MAP4K5: variants seen among roughly 807,000 people sequenced by gnomAD.
MAP4K5 encodes the protein MAPK/ERK kinase kinase kinase 5.
MAP4K5 carries 82 observed loss-of-function variants against 135.6 expected under a neutral mutation model. The ratio of observed to expected loss-of-function variants is 0.60; its 90% CI spans 0.51 to 0.73. MAP4K5 has a LOEUF of 0.73. Ranked by LOEUF, MAP4K5 falls within the 30% of genes least tolerant of loss-of-function variation. The pLI is 0.00. For missense variants in MAP4K5, 907 were observed against 1,010.9 expected (o/e 0.90, Z 1.39); for synonymous variants, 347 against 335.0 (o/e 1.04, Z -0.39).
chr14:50,484,317 T>C (rs1364288154), intron 5 of MAP4K5, among the ~76,000 whole-genome samples: 2 of 152,180 alleles, frequency 1.3e-5, no homozygotes, highest in African/African-American at 2.4e-5. Flanking sequence ...AGAATTTTTG[T>C]TGTTATGGAT....
At position 50,443,743 on chromosome 14, in the gene MAP4K5, T is replaced by G. The variant is rs2036279399; in HGVS notation, c.1465A>C (p.Thr489Pro). 1.9e-6 allele frequency: 3 copies of G among 1,597,168 alleles called. No individual in the cohort carries two copies. Among genetic ancestry groups the G allele is most frequent in the Non-Finnish European group, 2.6e-6 (3 of 1,175,394 alleles). Residue 489 changes from threonine to proline, a missense_variant, in exon 20 of 33, where the codon ACC becomes CCC. Thr to Pro is a conservative substitution (Grantham distance 38). Around this residue, in one of 3 missense-constraint regions of MAP4K5, gnomAD observed 690 missense variants for 777.4 expected, o/e 0.89. Transcript: ENST00000682126. ...ATATTCCTTACCAGAACTTTTGGGG[T>G]GGGTGGAAGGCCATTGATGGCTGGT... ...PKPAINGLPP[T>P]PKVLMGACFS...
chr14:50,500,524 G>A lies in MAP4K5; in HGVS notation c.166+4276C>T, dbSNP rs551045895. On this transcript the variant is annotated intron_variant, in intron 3 of 32. Transcript: ENST00000682126. ...CAGAGAGGTGGATAGAACAGATCAT[G>A]TAGGGTTTTATAAACAAGGCTAAAA... Among the ~76,000 whole-genome samples, 4 of 152,332 alleles carry A rather than the reference G, an allele frequency of 2.6e-5. No homozygotes were observed. The South Asian group carries it at 8.3e-4, about 32-fold the overall frequency.
chr14:50,453,155 C>T (rs186320782), intron 14 of MAP4K5, among the ~76,000 whole-genome samples: 92 of 152,018 alleles, frequency 6.1e-4, no homozygotes, highest in African/African-American at 1.6e-3. Context: ...ATTAAACTAA[C>T]TGTTAGGCTT....
At chr14:50,518,152 T>C (rs2038072645) in intron 2 of MAP4K5, among the ~76,000 whole-genome samples, 1 of 152,226 alleles carries the variant, frequency 6.6e-6, no homozygotes, top group Non-Finnish European at 1.5e-5. Flanking sequence ...AAACACAGTA[T>C]ATCCTTATTA....
intron 2 of MAP4K5, among the ~76,000 whole-genome samples, chr14:50,521,270 A>AT (rs2038145633): frequency 6.6e-6 from 1 of 152,220 alleles, no homozygotes; most frequent in Admixed American, 6.5e-5. Flanking sequence ...CAGTCCATAA[A>AT]TCCCTCATTT....
intron 16 of MAP4K5, 51 bp from the exon 17 acceptor site, chr14:50,446,172 A>T (rs2036343727): frequency 9.0e-7 from 1 of 1,115,554 alleles, no homozygotes; most frequent in South Asian, 1.4e-5. Flanking sequence ...ACCGTAACCG[A>T]AAACACAGAT....
intron 32 of MAP4K5, among the ~76,000 whole-genome samples, chr14:50,422,250 C>T (rs1361855754): frequency 2.6e-5 from 4 of 152,196 alleles, no homozygotes; most frequent in East Asian, 3.9e-4. Flanking sequence ...GTTGGTTGGA[C>T]GACTTACTAA....
intron 20 of MAP4K5, among the ~76,000 whole-genome samples, chr14:50,443,461 T>C (rs2036272541): frequency 6.6e-6 from 1 of 152,174 alleles, no homozygotes; most frequent in African/African-American, 2.4e-5. Flanking sequence ...GAGGACACAG[T>C]ACTATTAATA....
At chr14:50,536,197 C>G (rs1162749681), upstream of MAP4K5, among the ~76,000 whole-genome samples, 1 of 152,228 alleles carries the variant, frequency 6.6e-6, no homozygotes, top group Admixed American at 6.5e-5. Flanking sequence ...GTAATCCCAG[C>G]ACTTTGGGAG....
rs569660045 is a variant in MAP4K5, at chr14:50,531,851, T to A, written c.108+91A>T. 43 of 900,806 alleles carry A rather than the reference T, an allele frequency of 4.8e-5. No homozygotes were observed. The East Asian group carries it at 6.7e-4, about 14-fold the overall frequency. The allele number at this position is 900,806 out of a possible 1,614,324, so 55.8% of individuals were successfully genotyped here. A position where few individuals can be genotyped will look rare whatever the true frequency, so the allele number is the denominator to read the frequency against. ...TCCCCAAGAGGCAACAATAAAAGCA[T>A]CCTCCTCTCGCCCCAATACTTCGCA... On this transcript the variant is annotated intron_variant, in intron 2 of 32. Transcript: ENST00000682126.
chr14:50,552,336 A>G (rs1277861561), intron 1 of MAP4K5, among the ~76,000 whole-genome samples: 2 of 152,250 alleles, frequency 1.3e-5, no homozygotes, highest in East Asian at 1.9e-4. Context: ...CTCTACAAGG[A>G]AAATTACAAA....
At chr14:50,493,297 T>C (rs1237614063) in intron 3 of MAP4K5, among the ~76,000 whole-genome samples, 1 of 152,100 alleles carries the variant, frequency 6.6e-6, no homozygotes, top group South Asian at 2.1e-4. Flanking sequence ...AGAGACATGA[T>C]CTCCATTACG....
chr14:50,466,741 A>AT, intron 10 of MAP4K5, 96 bp from the exon 11 acceptor site: 1 of 606,528 alleles, frequency 1.6e-6, no homozygotes, highest in Non-Finnish European at 3.0e-6. Flanking sequence ...AGACTACCAC[A>AT]TAAGTGGACA....
intron 3 of MAP4K5, among the ~76,000 whole-genome samples, chr14:50,497,677 G>C (rs2037622923): frequency 6.6e-6 from 1 of 152,142 alleles, no homozygotes; most frequent in African/African-American, 2.4e-5. Flanking sequence ...ACAAGTTAAA[G>C]TATTCCCTGC....
chr14:50,440,288 G>A (rs1320478985), intron 22 of MAP4K5, 74 bp downstream of exon 22: 1 of 1,019,540 alleles, frequency 9.8e-7, no homozygotes, highest in East Asian at 2.6e-5. Context: ...GGCCTACACA[G>A]ATTGATTTAA....
chr14:50,537,412 T>A (rs1306589004), upstream of MAP4K5, among the ~76,000 whole-genome samples: 1 of 152,298 alleles, frequency 6.6e-6, no homozygotes, highest in African/African-American at 2.4e-5. Context: ...TCTGCTAGGG[T>A]GGTGCGAAAG....
intron 11 of MAP4K5, among the ~76,000 whole-genome samples, chr14:50,466,381 C>CAAAAAAA (rs1194669006): frequency 3.7e-5 from 2 of 54,584 alleles, no homozygotes; most frequent in East Asian, 5.4e-4. Context: ...AATCCTGTCT[C>CAAAAAAA]AAAAAAAAAA....
At chr14:50,543,099 C>G (rs2038586797) in intron 1 of MAP4K5, among the ~76,000 whole-genome samples, 1 of 152,218 alleles carries the variant, frequency 6.6e-6, no homozygotes. Context: ...AAGATCTGTT[C>G]TCCAGGTGTC....
chr14:50,506,649 C>T (rs2037816048), intron 2 of MAP4K5, among the ~76,000 whole-genome samples: 1 of 152,178 alleles, frequency 6.6e-6, no homozygotes, highest in Non-Finnish European at 1.5e-5. Context: ...ACCACCAGGC[C>T]TGGCAAGAAA....
Sources: gnomAD v4.1 joint callset for allele counts (sites outside exome capture counted in the v4.1 genomes callset) on GRCh38, gnomAD v4.1.1 for gene constraint, gnomAD v4.1.1 regional missense constraint, MANE v1.5 for transcripts, NCBI Gene and HGNC (gene_info 2026-07-23, HGNC 2026-07-21) for gene names.